Variants in C10orf71 observed in about 807,000 individuals in gnomAD.
The protein encoded by C10orf71 is chromosome 10 open reading frame 71.
For missense variants in C10orf71, 1,869 were observed against 1,804.5 expected (o/e 1.04, Z -0.65); for synonymous variants, 758 against 726.3 (o/e 1.04, Z -0.70).
At position 49,324,204 on chromosome 10, in the gene C10orf71, A is replaced by T; in HGVS notation, c.1659A>T (p.Pro553=). The part of the protein sequence containing the change: ...ILPNGLEESP[P]NELSKERPAD... ...CCAATGGGCTTGAGGAAAGCCCTCCAAATGAGCTTTCTAAGGAGAGACCCG... is the reference window on the plus strand; with the variant it reads ...CCAATGGGCTTGAGGAAAGCCCTCCTAATGAGCTTTCTAAGGAGAGACCCG... Residue 553 remains proline, a synonymous_variant, in exon 3 of 3, where the codon CCA becomes CCT. Transcript: ENST00000374144. The T allele has an allele frequency of 6.2e-7, 1 of 1,613,972 alleles. No homozygotes were observed. The highest frequency in any genetic ancestry group is 8.5e-7 in the Non-Finnish European group (1 of 1,179,878).
chr10:49,304,046 C>T (rs1590322780), intron 1 of C10orf71, among the ~76,000 whole-genome samples: 1 of 152,354 alleles, frequency 6.6e-6, no homozygotes, highest in East Asian at 1.9e-4. Flanking sequence ...CCCAGATGCA[C>T]ACAGCTTTGT....
In C10orf71 at chr10:49,314,013, AGG is replaced by A. The variant is rs1469748795; in HGVS notation, c.-247-2131_-247-2130del. 2.6e-5 allele frequency among the ~76,000 whole-genome samples: 4 copies of A among 152,282 alleles called. No individual in the cohort carries two copies. The South Asian group carries it at 8.3e-4, about 32-fold the overall frequency. On this transcript the variant is annotated intron_variant, in intron 1 of 2. Transcript: ENST00000374144. ...CAGAGGAAATCCAGCAGTCAAGGAG[AGG>A]AAGAGACTAAACATCCAGACAGGGA...
intron 2 of C10orf71, among the ~76,000 whole-genome samples, chr10:49,318,519 G>A (rs73307885): frequency 0.012 from 1,807 of 152,306 alleles, 36 homozygotes; most frequent in African/African-American, 0.041. Context: ...GTAGCTACTC[G>A]TCAGCTCATT....
In C10orf71 at chr10:49,324,459, A is replaced by AC; in HGVS notation, c.1915dup (p.His639ProfsTer14). 6.2e-7 allele frequency: 1 copy of AC among 1,607,324 alleles called. No individual in the cohort carries two copies. The highest frequency in any genetic ancestry group is 8.5e-7 in the Non-Finnish European group (1 of 1,176,572). ...CCAGCTGGTGTCCAGACTCCAGGGA[A>AC]CACCGCCCCAGGAAACACCTCTCCC... On this transcript the variant is annotated frameshift_variant, in exon 3 of 3. Coordinates refer to ENST00000374144, the MANE Select transcript of C10orf71 (RefSeq NM_001135196.2). LOFTEE classifies it low-confidence loss of function (END_TRUNC).
chr10:49,322,362 T>C (rs1053794362), intron 2 of C10orf71, 40 bp from the exon 3 acceptor site: 1 of 629,948 alleles, frequency 1.6e-6, no homozygotes, highest in African/African-American at 1.8e-5. Context: ...TGTGTAGAGC[T>C]GTATACTTTG....
intron 1 of C10orf71, 41 bp from the exon 2 acceptor site, chr10:49,316,104 G>A (rs529681678): frequency 6.6e-6 from 1 of 152,040 alleles, no homozygotes; most frequent in African/African-American, 2.4e-5. Flanking sequence ...TTGGCCCTTT[G>A]GTCAGTTGGG....
intron 2 of C10orf71, among the ~76,000 whole-genome samples, chr10:49,320,402 GC>G (rs1849074607): frequency 6.6e-6 from 1 of 152,198 alleles, no homozygotes; most frequent in Admixed American, 6.5e-5. Context: ...GAGGTAAGGG[GC>G]CCAGGTGATG....
intron 1 of C10orf71, among the ~76,000 whole-genome samples, chr10:49,300,661 C>G (rs572666289): frequency 6.6e-6 from 1 of 152,268 alleles, no homozygotes; most frequent in East Asian, 1.9e-4. Context: ...AATCACCAGA[C>G]ACACAGCGTG....
Position 49,323,764 on chromosome 10 carries a change from A to G in C10orf71, c.1219A>G (p.Arg407Gly). 1 of 1,614,022 alleles carries G rather than the reference A, an allele frequency of 6.2e-7. No homozygotes were observed. Among genetic ancestry groups the G allele is most frequent in the Non-Finnish European group, 8.5e-7 (1 of 1,179,898 alleles). ...AGAAGAAAAGACACAGACCAACCAG[A>G]GAGGCCCACCTTTGTATACAAAACA... ...TLEEKTQTNQ[R>G]GPPLYTKHNP... Residue 407 changes from arginine to glycine, a missense_variant, in exon 3 of 3, where the codon AGA (arginine) becomes GGA (glycine). Arg to Gly is a moderately radical substitution (Grantham distance 125). Coordinates refer to ENST00000374144, the MANE Select transcript of C10orf71 (RefSeq NM_001135196.2).
rs1168385610 is a variant in C10orf71, at chr10:49,326,712, C to A, written c.4167C>A (p.His1389Gln). 3.9e-5 allele frequency: 60 copies of A among 1,551,068 alleles called. No individual in the cohort carries two copies. Among genetic ancestry groups the A allele is most frequent in the African/African-American group, 9.6e-5 (7 of 73,012 alleles). Reference sequence around the variant, plus strand: ...GACTACAGCTGGACCCAGGGCCTCACGGTGACTGCACCCCGCACTCTGCAG... The same window carrying A: ...GACTACAGCTGGACCCAGGGCCTCAAGGTGACTGCACCCCGCACTCTGCAG... ...ESGLQLDPGP[H>Q]GDCTPHSAGQ... Residue 1389 changes from histidine to glutamine, a missense_variant, in exon 3 of 3, where the codon CAC becomes CAA. Coordinates refer to ENST00000374144, the MANE Select transcript of C10orf71 (RefSeq NM_001135196.2).
rs1475353111 is a variant in C10orf71 at position 49,325,617 on chromosome 10, G to A, written c.3072G>A (p.Trp1024Ter). ...CCCCATGGCAGCCCGAAAACTGTTGGGAAGAGCAAACACCAGGTTTCAAGA... is the reference window on the plus strand; with the variant it reads ...CCCCATGGCAGCCCGAAAACTGTTGAGAAGAGCAAACACCAGGTTTCAAGA... The part of the protein sequence containing the change: ...QPPPWQPENC[W>*]EEQTPGFKSH... The change falls in exon 3 of 3, where the codon TGG (tryptophan) becomes TGA (stop). Residue 1024 changes from tryptophan (W) to a stop codon, truncating the protein, a stop_gained. Transcript: ENST00000374144. LOFTEE classifies it low-confidence loss of function (END_TRUNC). 1.3e-6 allele frequency: 2 copies of A among 1,552,100 alleles called. No individual in the cohort carries two copies. Among genetic ancestry groups the A allele is most frequent in the Non-Finnish European group, 1.7e-6 (2 of 1,147,092 alleles).
At chr10:49,319,249 C>T (rs952687025) in intron 2 of C10orf71, among the ~76,000 whole-genome samples, 12 of 151,848 alleles carry the variant, frequency 7.9e-5, no homozygotes, top group Non-Finnish European at 1.6e-4. Context: ...CAGGGGAAGC[C>T]GTAAGTATTC....
At chr10:49,320,178 CAG>C (rs1849070811) in intron 2 of C10orf71, among the ~76,000 whole-genome samples, 2 of 152,142 alleles carry the variant, frequency 1.3e-5, no homozygotes, top group African/African-American at 4.8e-5. Context: ...ACAGAGGTAA[CAG>C]AGAATTAGGG....
At chr10:49,308,077 T>C (rs1349046622) in intron 1 of C10orf71, among the ~76,000 whole-genome samples, 1 of 152,194 alleles carries the variant, frequency 6.6e-6, no homozygotes, top group African/African-American at 2.4e-5. Context: ...CAGGCTGGGC[T>C]GAGCTCACAG....
In C10orf71 at chr10:49,322,528, C is replaced by T. The variant is rs775956104; in HGVS notation, c.-18C>T. The T allele has an allele frequency of 1.9e-6, 3 of 1,583,702 alleles. No individual in the cohort carries two copies. The highest frequency in any genetic ancestry group is 2.6e-6 in the Non-Finnish European group (3 of 1,161,814). ...GACACCTGCCGGCTGACAAGGACAG[C>T]TTTCTTGGAGCCAACAGATGATGCA... is the stretch of plus-strand genomic sequence containing the variant. On this transcript the variant is annotated 5_prime_UTR_variant, in exon 3 of 3. Coordinates refer to ENST00000374144, the MANE Select transcript of C10orf71 (RefSeq NM_001135196.2).
In C10orf71 at chr10:49,326,839, G is replaced by A; in HGVS notation, c.4294G>A (p.Glu1432Lys). The change falls in exon 3 of 3, where the codon GAA becomes AAA. Residue 1432 changes from glutamate (E) to lysine (K), a missense_variant. Glu to Lys is a moderately conservative substitution (Grantham distance 56). Transcript: ENST00000374144. ...TGATGACCTAGAGGACTTTGCCACA[G>A]AAGGCATTTCTTGAGTTACTGCAGG... Reference protein sequence around the residue: ...STDDLEDFATEGIS With the variant: ...STDDLEDFATKGIS 2.6e-6 allele frequency: 4 copies of A among 1,540,952 alleles called. No individual in the cohort carries two copies. Among genetic ancestry groups the A allele is most frequent in the Non-Finnish European group, 3.5e-6 (4 of 1,143,648 alleles).
intron 2 of C10orf71, among the ~76,000 whole-genome samples, chr10:49,317,861 G>A (rs1849025744): frequency 6.6e-6 from 1 of 152,026 alleles, no homozygotes; most frequent in Non-Finnish European, 1.5e-5. Flanking sequence ...TTAATAATTG[G>A]AAAATTTTAA....
intron 1 of C10orf71, among the ~76,000 whole-genome samples, chr10:49,300,691 G>A (rs564801576): frequency 6.6e-6 from 1 of 152,296 alleles, no homozygotes; most frequent in South Asian, 2.1e-4. Flanking sequence ...CCTGGGCTGA[G>A]CAGGGCAGAT....
chr10:49,306,617 G>A (rs1848817820), intron 1 of C10orf71, among the ~76,000 whole-genome samples: 2 of 152,248 alleles, frequency 1.3e-5, no homozygotes, highest in South Asian at 4.1e-4. Context: ...TCAGCCAGGG[G>A]TGATTTTGGC....
Sources: allele counts gnomAD v4.1 joint callset (sites outside exome capture counted in the v4.1 genomes callset), GRCh38; gene constraint gnomAD v4.1.1; transcripts MANE v1.5; gene names NCBI Gene and HGNC (gene_info 2026-07-23, HGNC 2026-07-21).